RDH10: variants seen among roughly 807,000 people sequenced by gnomAD.
The protein encoded by RDH10 is retinol dehydrogenase 10, also known as retinol dehydrogenase 10 (all-trans).
RDH10 carries 12 observed loss-of-function variants against 30.2 expected under a neutral mutation model. The ratio of observed to expected loss-of-function variants is 0.40; its 90% CI spans 0.25 to 0.64. RDH10 has a LOEUF of 0.64. Ranked by LOEUF, RDH10 falls within the 30% of genes least tolerant of loss-of-function variation. RDH10 has a pLI of 0.43. For synonymous variants in RDH10, 189 were observed against 172.2 expected (o/e 1.10, Z -0.76); for missense variants, 268 against 445.2 (o/e 0.60, Z 3.58).
At chr8:73,309,533 A>G (rs1321463066) in intron 2 of RDH10, among the ~76,000 whole-genome samples, 22 of 151,256 alleles carry the variant, frequency 1.5e-4, no homozygotes, top group Admixed American at 1.4e-3. Flanking sequence ...GGTACTTCTT[A>G]ATTTCATGGT....
At chr8:73,297,077 G>T (rs1814280690) in intron 1 of RDH10, 117 bp from the exon 2 acceptor site, 2 of 675,396 alleles carry the variant, frequency 3.0e-6, no homozygotes, top group African/African-American at 3.6e-5. Context: ...GAAATTTGAA[G>T]CTCACTGTAG....
rs139692721 is a variant in RDH10, at chr8:73,322,253, A to G, written c.771-426A>G. 1,735 of 325,122 alleles carry G rather than the reference A, an allele frequency of 5.3e-3. 25 individuals carry two copies. The highest frequency in any genetic ancestry group is 0.035 in the African/African-American group (1,604 of 46,450). The allele number at this position is 325,122 out of a possible 1,614,324, so 20.1% of individuals were successfully genotyped here. On this transcript the variant is annotated intron_variant, in intron 4 of 5. Coordinates refer to ENST00000240285, the MANE Select transcript of RDH10 (RefSeq NM_172037.5). Reference sequence around the variant, plus strand: ...TCTTCCGGCATCCTGGAAAGTGGATACCTGTGGCCTTCCTTTCACTTTGAA... The same window carrying G: ...TCTTCCGGCATCCTGGAAAGTGGATGCCTGTGGCCTTCCTTTCACTTTGAA...
At chr8:73,317,952 C>T (rs1005438615) in intron 2 of RDH10, among the ~76,000 whole-genome samples, 2 of 136,452 alleles carry the variant, frequency 1.5e-5, no homozygotes, top group Non-Finnish European at 3.1e-5. Context: ...AACCACAAAC[C>T]CATATTAGGT....
chr8:73,299,977 G>C (rs1814346544), intron 2 of RDH10, among the ~76,000 whole-genome samples: 1 of 152,172 alleles, frequency 6.6e-6, no homozygotes, highest in South Asian at 2.1e-4. Context: ...TTCTGGACCT[G>C]AATCTGTATA....
chr8:73,298,416 T>C (rs1024564780), intron 2 of RDH10, among the ~76,000 whole-genome samples: 1 of 152,254 alleles, frequency 6.6e-6, no homozygotes, highest in African/African-American at 2.4e-5. Flanking sequence ...AAACTTAATC[T>C]GGCATTAAAA....
At chr8:73,304,263 A>G (rs539897765) in intron 2 of RDH10, among the ~76,000 whole-genome samples, 3 of 152,208 alleles carry the variant, frequency 2.0e-5, no homozygotes, top group Non-Finnish European at 4.4e-5. Flanking sequence ...TAGAAACATC[A>G]GCATTATCTT....
intron 1 of RDH10, chr8:73,296,968 C>A (rs1159350022): frequency 2.0e-6 from 1 of 501,898 alleles, no homozygotes; most frequent in Non-Finnish European, 3.6e-6. Flanking sequence ...CATGACTTTC[C>A]CCTAAGCAAA....
At position 73,324,985 on chromosome 8, in the gene RDH10, T is replaced by G. The variant is rs1814845032; in HGVS notation, c.*1949T>G. On this transcript the variant is annotated 3_prime_UTR_variant, in exon 6 of 6. Coordinates refer to ENST00000240285, the MANE Select transcript of RDH10 (RefSeq NM_172037.5). ...AACAATGGAGGCACTGGCTGCCTCT[T>G]AATTTTCAATCATGGACCTAAAGAA... 1 of 152,220 alleles carries G rather than the reference T, an allele frequency of 6.6e-6. No individual in the cohort carries two copies. Among genetic ancestry groups the G allele is most frequent in the African/African-American group, 2.4e-5 (1 of 41,454 alleles). 9.4% of individuals were successfully genotyped at this position (152,220 alleles called of 1,614,324 possible).
chr8:73,321,551 G>A (rs183500205), intron 4 of RDH10, among the ~76,000 whole-genome samples: 13 of 152,214 alleles, frequency 8.5e-5, no homozygotes, highest in Admixed American at 3.3e-4. Context: ...TGCAGCAAGC[G>A]TATGTAACTA....
chr8:73,321,424 A>C (rs1346900611), intron 4 of RDH10, among the ~76,000 whole-genome samples: 2 of 152,242 alleles, frequency 1.3e-5, no homozygotes, highest in African/African-American at 4.8e-5. Flanking sequence ...CTAGAAGAAA[A>C]TTCCTTCATG....
intron 3 of RDH10, 126 bp downstream of exon 3, chr8:73,319,320 G>A: frequency 4.7e-6 from 3 of 643,386 alleles, no homozygotes; most frequent in Non-Finnish European, 5.5e-6. Flanking sequence ...CTCTGCATGT[G>A]TGCTGCATGT....
chr8:73,316,039 C>T (rs1203567343), intron 2 of RDH10, among the ~76,000 whole-genome samples: 3 of 152,120 alleles, frequency 2.0e-5, no homozygotes, highest in African/African-American at 7.2e-5. Flanking sequence ...TTGTTTGAGG[C>T]AGGGTCTCGC....
rs1056659108 is a variant in RDH10, at chr8:73,294,646, G to A, written c.-644G>A. On this transcript the variant is annotated 5_prime_UTR_variant, in exon 1 of 6. Transcript: ENST00000240285. ...CTGACTTGCAAGCGGGCTGCGCTGC[G>A]GAGCCCAGTGCCCGAGTGACACCCG... 1.2e-5 allele frequency: 4 copies of A among 340,872 alleles called. No individual in the cohort carries two copies. The highest frequency in any genetic ancestry group is 4.3e-5 in the African/African-American group (2 of 46,622). The allele number at this position is 340,872 out of a possible 1,614,324, so 21.1% of individuals were successfully genotyped here.
intron 2 of RDH10, among the ~76,000 whole-genome samples, chr8:73,298,254 A>G (rs1208470420): frequency 6.6e-6 from 1 of 152,182 alleles, no homozygotes; most frequent in Admixed American, 6.5e-5. Flanking sequence ...TTCCTTTTGT[A>G]GACAGATACG....
rs1399707738 is a variant in RDH10 at position 73,294,958 on chromosome 8, A to G, written c.-332A>G. ...GCCATGAGGGCAGTTCGAGTAGTCT[A>G]ACTCGCGGCTGTCACCGCCACTGCA... is the stretch of plus-strand genomic sequence containing the variant. On this transcript the variant is annotated 5_prime_UTR_variant, in exon 1 of 6. The change abolishes the stop of an existing upstream ORF in the 5' untranslated region. Transcript: ENST00000240285. The G allele has an allele frequency of 1.0e-5, 4 of 391,800 alleles. No individual in the cohort carries two copies. The highest frequency in any genetic ancestry group is 2.1e-5 in the African/African-American group (1 of 48,188). 24.3% of individuals were successfully genotyped at this position (391,800 alleles called of 1,614,324 possible).
intron 2 of RDH10, chr8:73,312,730 T>G (rs564583399): frequency 6.6e-6 from 1 of 152,350 alleles, no homozygotes; most frequent in African/African-American, 2.4e-5. Flanking sequence ...TGCTATTATT[T>G]GGAGATTCTG....
chr8:73,296,289 T>C (rs1025749195), intron 1 of RDH10, among the ~76,000 whole-genome samples: 3 of 151,984 alleles, frequency 2.0e-5, no homozygotes, highest in African/African-American at 7.2e-5. Flanking sequence ...ACCATAAATA[T>C]TGGTTCAGGA....
At chr8:73,320,714 C>G (rs1417145017) in intron 3 of RDH10, among the ~76,000 whole-genome samples, 1 of 152,078 alleles carries the variant, frequency 6.6e-6, no homozygotes, top group Non-Finnish European at 1.5e-5. Flanking sequence ...TTAAGTGATC[C>G]AGCCACCTCG....
At position 73,322,750 on chromosome 8, in the gene RDH10, T is replaced by C. The variant is rs1488623669; in HGVS notation, c.842T>C (p.Leu281Pro). Residue 281 changes from leucine to proline, a missense_variant, in exon 5 of 6, where the codon CTC (leucine) becomes CCC (proline). Physicochemically the swap from Leu to Pro is moderately conservative, Grantham distance 98 (BLOSUM62 -3). This residue lies in a region of RDH10 where 136 missense variants were observed against 288.8 expected (regional missense o/e 0.47). Coordinates refer to ENST00000240285, the MANE Select transcript of RDH10 (RefSeq NM_172037.5). ...GTGAAGCAGGCCATGAAGGCCATCC[T>C]CACTGACCAGCCCATGATCTGCACT... ...YCVKQAMKAI[L>P]TDQPMICTPR... The C allele has an allele frequency of 1.2e-6, 2 of 1,614,170 alleles. No homozygotes were observed. Among genetic ancestry groups the C allele is most frequent in the Non-Finnish European group, 1.7e-6 (2 of 1,180,000 alleles).
Sources: gnomAD v4.1 joint callset for allele counts (sites outside exome capture counted in the v4.1 genomes callset) on GRCh38, gnomAD v4.1.1 for gene constraint, gnomAD v4.1.1 regional missense constraint, MANE v1.5 for transcripts, NCBI Gene and HGNC (gene_info 2026-07-23, HGNC 2026-07-21) for gene names.